The following GRIN2A variants were observed in gnomAD, a reference collection of about 807,000 sequenced individuals.
The protein encoded by GRIN2A is glutamate receptor ionotropic, NMDA 2A.
Under a neutral mutation model 113.4 loss-of-function variants are expected in GRIN2A, and 22 were observed. The observed-to-expected ratio is 0.19, with a 90% CI of 0.14 to 0.28. GRIN2A has a LOEUF of 0.28. Ranked by LOEUF, GRIN2A falls within the 10% of genes least tolerant of loss-of-function variation. The pLI is 1.00. For synonymous variants in GRIN2A, 827 were observed against 738.4 expected (o/e 1.12, Z -1.94); for missense variants, 1,502 against 1,887.0 (o/e 0.80, Z 3.78).
At chr16:9,789,796 T>C (rs944670424) in intron 11 of GRIN2A, among the ~76,000 whole-genome samples, 4 of 152,178 alleles carry the variant, frequency 2.6e-5, no homozygotes, top group East Asian at 3.8e-4. Context: ...CAAAACCACA[T>C]CAGTGAAGAA....
chr16:9,968,709 G>A (rs1406517977), intron 2 of GRIN2A, among the ~76,000 whole-genome samples: 1 of 152,132 alleles, frequency 6.6e-6, no homozygotes, highest in Non-Finnish European at 1.5e-5. Flanking sequence ...CCGGGTTCAA[G>A]AGAGTCTCCT....
chr16:10,104,580 G>A (rs1046767204), intron 2 of GRIN2A, among the ~76,000 whole-genome samples: 1 of 152,126 alleles, frequency 6.6e-6, no homozygotes, highest in Non-Finnish European at 1.5e-5. Flanking sequence ...AATTTTACGT[G>A]GTTATGGGAA....
At chr16:9,783,478 T>C (rs973078759) in intron 11 of GRIN2A, among the ~76,000 whole-genome samples, 4 of 152,268 alleles carry the variant, frequency 2.6e-5, no homozygotes, top group African/African-American at 4.8e-5. Flanking sequence ...CGATCCTTCC[T>C]GGATGAGGAA....
intron 10 of GRIN2A, among the ~76,000 whole-genome samples, chr16:9,801,121 G>C (rs1170047908): frequency 2.0e-5 from 3 of 152,178 alleles, no homozygotes; most frequent in African/African-American, 7.2e-5. Flanking sequence ...TTCTAAGATT[G>C]TGTGAGCCAA....
chr16:10,091,008 C>T (rs963105247), intron 2 of GRIN2A, among the ~76,000 whole-genome samples: 27 of 152,116 alleles, frequency 1.8e-4, no homozygotes, highest in Non-Finnish European at 1.3e-4. Context: ...TCCATATACA[C>T]ACTAGAATGA....
At chr16:10,058,286 CA>C (rs1567268439) in intron 2 of GRIN2A, among the ~76,000 whole-genome samples, 2 of 147,588 alleles carry the variant, frequency 1.4e-5, no homozygotes, top group African/African-American at 5.1e-5. Context: ...AACCAAAAAA[CA>C]AAAAAACAAA....
At chr16:9,931,798 T>C (rs1287650369) in intron 3 of GRIN2A, among the ~76,000 whole-genome samples, 1 of 152,222 alleles carries the variant, frequency 6.6e-6, no homozygotes, top group East Asian at 1.9e-4. Flanking sequence ...CACATGTGTG[T>C]ATATACATAC....
intron 3 of GRIN2A, among the ~76,000 whole-genome samples, chr16:9,917,835 T>C (rs1246241492): frequency 6.6e-6 from 1 of 152,202 alleles, no homozygotes; most frequent in Non-Finnish European, 1.5e-5. Flanking sequence ...GCCTAGAGAT[T>C]GCTCCTTCTG....
intron 2 of GRIN2A, among the ~76,000 whole-genome samples, chr16:10,137,462 C>T (rs1228918582): frequency 1.3e-5 from 2 of 152,188 alleles, no homozygotes; most frequent in Non-Finnish European, 2.9e-5. Flanking sequence ...TGACCTAATG[C>T]TTTCACCTGC....
chr16:9,779,759 C>T (rs1359361662), intron 11 of GRIN2A, among the ~76,000 whole-genome samples: 1 of 152,142 alleles, frequency 6.6e-6, no homozygotes, highest in African/African-American at 2.4e-5. Context: ...CCTCCCGCTC[C>T]CCAGGTATGG....
intron 2 of GRIN2A, among the ~76,000 whole-genome samples, chr16:9,942,844 A>G (rs1029174695): frequency 6.6e-6 from 1 of 152,178 alleles, no homozygotes; most frequent in African/African-American, 2.4e-5. Flanking sequence ...TTCTATTGGT[A>G]TCTTAAAATT....
chr16:10,019,903 G>A (rs2046683862), intron 2 of GRIN2A, among the ~76,000 whole-genome samples: 1 of 152,186 alleles, frequency 6.6e-6, no homozygotes, highest in Non-Finnish European at 1.5e-5. Context: ...TGAAATTTGT[G>A]AAGCGATTAG....
intron 3 of GRIN2A, among the ~76,000 whole-genome samples, chr16:9,897,206 A>G (rs1285254391): frequency 7.2e-6 from 1 of 139,172 alleles, no homozygotes; most frequent in Non-Finnish European, 1.6e-5. Flanking sequence ...ATATATTTAC[A>G]TATTTTATAT....
At position 9,755,855 on chromosome 16, in the gene GRIN2A, G is replaced by GA. The variant is rs58903398; in HGVS notation, c.*7293dup. The GA allele has an allele frequency of 0.051, 8,600 of 167,864 alleles. 256 individuals are homozygous for GA. The highest frequency in any genetic ancestry group is 0.12 in the African/African-American group (4,862 of 39,104). 10.4% of individuals were successfully genotyped at this position (167,864 alleles called of 1,614,324 possible). On this transcript the variant is annotated 3_prime_UTR_variant, in exon 13 of 13. Coordinates refer to ENST00000330684, the MANE Select transcript of GRIN2A (RefSeq NM_001134407.3). ...ATTATCTCTAAGACAATTTGGAAAAGAAAAAAAAAAAGGAACAGACCAAGA... is the reference window on the plus strand; with the variant it reads ...ATTATCTCTAAGACAATTTGGAAAAGAAAAAAAAAAAAGGAACAGACCAAGA...
chr16:9,797,305 G>A (rs890035637), intron 11 of GRIN2A, among the ~76,000 whole-genome samples: 2 of 152,178 alleles, frequency 1.3e-5, no homozygotes, highest in Non-Finnish European at 2.9e-5. Flanking sequence ...CCTGCTATCT[G>A]AGCTGACTTT....
chr16:9,966,762 C>T (rs1309126176), intron 2 of GRIN2A, among the ~76,000 whole-genome samples: 2 of 152,204 alleles, frequency 1.3e-5, no homozygotes, highest in African/African-American at 4.8e-5. Flanking sequence ...CGATCAGAAT[C>T]ACCCAAAAGG....
At chr16:10,079,465 G>T (rs970966823) in intron 2 of GRIN2A, among the ~76,000 whole-genome samples, 2 of 152,194 alleles carry the variant, frequency 1.3e-5, no homozygotes, top group Non-Finnish European at 2.9e-5. Flanking sequence ...CCAAAATTCA[G>T]ATGTTAAAAC....
At chr16:9,776,167 C>G (rs1901588378) in intron 11 of GRIN2A, among the ~76,000 whole-genome samples, 1 of 152,102 alleles carries the variant, frequency 6.6e-6, no homozygotes, top group African/African-American at 2.4e-5. Flanking sequence ...GAAAACTTGG[C>G]AATAGCTATC....
At position 10,118,989 on chromosome 16, in the gene GRIN2A, G is replaced by C. The variant is rs531779143; in HGVS notation, c.414+61009C>G. Among the ~76,000 whole-genome samples, 10 of 152,266 alleles carry C rather than the reference G, an allele frequency of 6.6e-5. No homozygotes were observed. The East Asian group carries it at 1.9e-3, about 29-fold the overall frequency. ...TGGAAAGAAAAGACAGTGAGATTTA[G>C]GGGACTGGAAGAGCCACAATATGGC... On this transcript the variant is annotated intron_variant, in intron 2 of 12. Transcript: ENST00000330684.
Sources: gnomAD v4.1 joint callset for allele counts (sites outside exome capture counted in the v4.1 genomes callset) on GRCh38, gnomAD v4.1.1 for gene constraint, MANE v1.5 for transcripts, NCBI Gene and HGNC (gene_info 2026-07-23, HGNC 2026-07-21) for gene names.